MYOM1: variants seen among roughly 807,000 people sequenced by gnomAD.
MYOM1 encodes myomesin 1.
Under a neutral mutation model 205.3 loss-of-function variants are expected in MYOM1, and 164 were observed. That is an observed-to-expected ratio of 0.80 (90% CI 0.70 to 0.91). The LOEUF (loss-of-function observed/expected upper bound fraction) is 0.91, where lower values mean the gene tolerates loss of function less well. Among genes scored for constraint, MYOM1 ranks in the 40% least tolerant of loss-of-function variants. MYOM1 has a pLI of 0.00. For synonymous variants in MYOM1, 772 were observed against 789.4 expected (o/e 0.98, Z 0.37); for missense variants, 2,011 against 2,127.3 (o/e 0.95, Z 1.08).
chr18:3,234,921 A>T, the MYOM1 span, among the ~76,000 whole-genome samples: 175 of 119,966 alleles, frequency 1.5e-3, no homozygotes, highest in African/African-American at 4.4e-3. Context: ...TTATCTCTTT[A>T]AATTTTTTTT....
intron 3 of MYOM1, among the ~76,000 whole-genome samples, chr18:3,190,167 G>A (rs1030283592): frequency 2.6e-5 from 4 of 152,136 alleles, no homozygotes; most frequent in African/African-American, 9.7e-5. Context: ...TAGAATCTGT[G>A]CTGTGATTTA....
chr18:3,148,718 C>T (rs1341559431), intron 13 of MYOM1, among the ~76,000 whole-genome samples: 2 of 150,594 alleles, frequency 1.3e-5, no homozygotes, highest in South Asian at 2.1e-4. Flanking sequence ...TAGTGGCGGG[C>T]GCCTGTAGTC....
At chr18:3,115,931 T>C (rs1483725865) in intron 21 of MYOM1, among the ~76,000 whole-genome samples, 3 of 152,160 alleles carry the variant, frequency 2.0e-5, no homozygotes, top group Non-Finnish European at 2.9e-5. Flanking sequence ...ACAGGCTTCC[T>C]GGTGTGAACT....
At chr18:3,070,845 C>T (rs959427646) in intron 37 of MYOM1, among the ~76,000 whole-genome samples, 4 of 151,590 alleles carry the variant, frequency 2.6e-5, no homozygotes, top group South Asian at 2.1e-4. Flanking sequence ...CTGCAAACTC[C>T]GCCTCCTGGG....
chr18:3,107,167 G>A (rs1868796609), intron 22 of MYOM1, among the ~76,000 whole-genome samples: 1 of 152,114 alleles, frequency 6.6e-6, no homozygotes, highest in African/African-American at 2.4e-5. Context: ...GCCCAGGCTG[G>A]AGTGCAGTGG....
chr18:3,229,033 C>T, the MYOM1 span, among the ~76,000 whole-genome samples: 2 of 152,224 alleles, frequency 1.3e-5, no homozygotes, highest in Admixed American at 6.5e-5. Flanking sequence ...TACCTGGTCT[C>T]TAAGTGTTGA....
In MYOM1 at chr18:3,219,919, G is replaced by A. The variant is rs1289709918; in HGVS notation, c.-145C>T. The A allele has an allele frequency of 1.3e-5, 2 of 152,248 alleles. No individual in the cohort carries two copies. Among genetic ancestry groups the A allele is most frequent in the Non-Finnish European group, 2.9e-5 (2 of 68,066 alleles). 9.4% of individuals were successfully genotyped at this position (152,248 alleles called of 1,614,324 possible). A position where few individuals can be genotyped will look rare whatever the true frequency, so the allele number is the denominator to read the frequency against. ...GACAATGTTAAGAGGCAGGGCTAAA[G>A]ACAGGACCCTGGGGGCCAGTTCAAA... On this transcript the variant is annotated 5_prime_UTR_variant, in exon 1 of 38. Transcript: ENST00000356443. This position sits in a 1 kb window ranked among gnomAD's most constrained non-coding sequence, Gnocchi z 4.4.
intron 3 of MYOM1, among the ~76,000 whole-genome samples, chr18:3,192,946 C>T (rs2080931885): frequency 6.6e-6 from 1 of 151,824 alleles, no homozygotes; most frequent in South Asian, 2.1e-4. Flanking sequence ...TTTCAGCTAC[C>T]TAAATGTGTC....
Position 3,067,451 on chromosome 18 carries a change from G to A in MYOM1, c.4869C>T (p.Phe1623=), listed in dbSNP as rs267605179. ...LASDDHCNLK[F]EAGRTAYFTI... ...TGAAGTACGCGGTCCTCCCAGCCTCGAACTTGAGGTTGCAGTGGTCGTCTG... is the reference window on the plus strand; with the variant it reads ...TGAAGTACGCGGTCCTCCCAGCCTCAAACTTGAGGTTGCAGTGGTCGTCTG... Residue 1623 remains phenylalanine (F), a synonymous_variant, in exon 38 of 38, where the codon TTC becomes TTT. Coordinates refer to ENST00000356443, the MANE Select transcript of MYOM1 (RefSeq NM_003803.4). 51 of 1,613,772 alleles carry A rather than the reference G, an allele frequency of 3.2e-5. No homozygotes were observed. The highest frequency in any genetic ancestry group is 5.3e-5 in the African/African-American group (4 of 75,050).
chr18:3,224,851 G>C (rs2081346016), upstream of MYOM1, among the ~76,000 whole-genome samples: 1 of 151,908 alleles, frequency 6.6e-6, no homozygotes, highest in Non-Finnish European at 1.5e-5. Context: ...GTTTTTAGTA[G>C]AGACAGGGTT....
At chr18:3,243,107 T>A in the MYOM1 span, among the ~76,000 whole-genome samples, 1 of 152,186 alleles carries the variant, frequency 6.6e-6, no homozygotes, top group Admixed American at 6.5e-5. Context: ...AAGCAATTCT[T>A]TATATATGTA....
intron 1 of MYOM1, among the ~76,000 whole-genome samples, chr18:3,215,774 AGAAAAACAAAGT>A (rs1320082463): frequency 6.6e-6 from 1 of 152,100 alleles, no homozygotes; most frequent in Non-Finnish European, 1.5e-5. Context: ...AGGTTTTCCT[AGAAAAACAAAGT>A]TTTTCTACCC....
At position 3,086,066 on chromosome 18, in the gene MYOM1, TC is replaced by T; in HGVS notation, c.4222del (p.Asp1408MetfsTer8). ...TGTTATAAGCAGGGTACATATACCATCCTTAAAGTCATGCTTTTCATCCACT... is the reference window on the plus strand; with the variant it reads ...TGTTATAAGCAGGGTACATATACCATCTTAAAGTCATGCTTTTCATCCACT... ...ISVDEKHDFK[D>X]GICTLLITEF... is the part of the protein sequence containing the mutation. On this transcript the variant is annotated frameshift_variant, in exon 30 of 38. Transcript: ENST00000356443. LOFTEE classifies it high-confidence loss of function. 6.2e-7 allele frequency: 1 copy of T among 1,609,678 alleles called. No homozygotes were observed. Among genetic ancestry groups the T allele is most frequent in the Non-Finnish European group, 8.5e-7 (1 of 1,177,694 alleles).
intron 5 of MYOM1, among the ~76,000 whole-genome samples, chr18:3,185,000 G>A (rs2080790794): frequency 6.6e-6 from 1 of 152,256 alleles, no homozygotes; most frequent in Non-Finnish European, 1.5e-5. Flanking sequence ...CTCTGTTAGT[G>A]AGGATCACTG....
intron 25 of MYOM1, among the ~76,000 whole-genome samples, chr18:3,098,806 G>T (rs2079340161): frequency 6.6e-6 from 1 of 152,208 alleles, no homozygotes; most frequent in African/African-American, 2.4e-5. Context: ...TACTTTTCCA[G>T]TTTTATGGTG....
rs531470340 is a variant in MYOM1 at position 3,154,898 on chromosome 18, G to T, written c.1643+49C>A. On this transcript the variant is annotated intron_variant, in intron 11 of 37. Transcript: ENST00000356443. ...AGAAATGATGGGAGAAATCAAGCAC[G>T]CATCTCTATGACCAAATAACTGTAA... 4.5e-6 allele frequency: 7 copies of T among 1,566,216 alleles called. No individual in the cohort carries two copies. In the South Asian group the frequency reaches 7.0e-5, roughly 16 times the overall value.
intron 5 of MYOM1, among the ~76,000 whole-genome samples, chr18:3,182,336 T>C (rs2080746673): frequency 6.6e-6 from 1 of 152,068 alleles, no homozygotes; most frequent in African/African-American, 2.4e-5. Flanking sequence ...CTAATGTAAA[T>C]GACGAGTTGA....
the MYOM1 span, among the ~76,000 whole-genome samples, chr18:3,231,771 T>C: frequency 6.6e-6 from 1 of 151,104 alleles, no homozygotes; most frequent in Admixed American, 6.6e-5. Flanking sequence ...CTCGATTTCT[T>C]GACCTCGTGA....
chr18:3,164,559 A>G (rs1567944644), intron 9 of MYOM1, 120 bp from the exon 10 acceptor site: 1 of 969,424 alleles, frequency 1.0e-6, no homozygotes, highest in African/African-American at 1.7e-5. Context: ...CTACTAGAGG[A>G]AGTCTCTAGG....
Sources: allele counts gnomAD v4.1 joint callset (sites outside exome capture counted in the v4.1 genomes callset), GRCh38; gene constraint gnomAD v4.1.1; non-coding constraint Gnocchi (gnomAD v3.1); transcripts MANE v1.5; gene names NCBI Gene and HGNC (gene_info 2026-07-23, HGNC 2026-07-21).